Variants in DPP9 observed in about 807,000 individuals in gnomAD.
The protein encoded by DPP9 is dipeptidyl peptidase IV-related protein-2.
In DPP9, 50 loss-of-function variants were observed where a neutral mutation model predicts 110.7. That is an observed-to-expected ratio of 0.45 (90% CI 0.36 to 0.57). The LOEUF (loss-of-function observed/expected upper bound fraction) is 0.57. Ranked by LOEUF, DPP9 falls within the 20% of genes least tolerant of loss-of-function variation. The pLI, the probability that DPP9 is intolerant of heterozygous loss-of-function variation, is 0.00. For synonymous variants in DPP9, 561 were observed against 514.4 expected (o/e 1.09, Z -1.23); for missense variants, 1,022 against 1,217.9 (o/e 0.84, Z 2.39).
At chr19:4,683,172 C>T (rs2090169560) in intron 19 of DPP9, 1 of 1,443,784 alleles carries the variant, frequency 6.9e-7, no homozygotes, top group East Asian at 2.8e-5. Flanking sequence ...CCCCGCCGCT[C>T]TGCACACCAT....
At position 4,685,389 on chromosome 19, in the gene DPP9, A is replaced by AG; in HGVS notation, c.2031+236dup. The AG allele has an allele frequency of 1.5e-6, 1 of 660,436 alleles. No homozygotes were observed. Among genetic ancestry groups the AG allele is most frequent in the Non-Finnish European group, 2.8e-6 (1 of 358,664 alleles). The allele number at this position is 660,436 out of a possible 1,614,324, so 40.9% of individuals were successfully genotyped here. ...GGAACAAGGGAGAGTCAGCAGGCGG[A>AG]GGGGGAAGGGGAGGCCATCCAGGAA... is the stretch of plus-strand genomic sequence containing the variant. On this transcript the variant is annotated intron_variant, in intron 17 of 21. Coordinates refer to ENST00000262960, the MANE Select transcript of DPP9 (RefSeq NM_139159.5). This position sits in a 1 kb window ranked among gnomAD's most constrained non-coding sequence, Gnocchi z 5.8.
At chr19:4,701,994 C>T (rs201963163) in intron 9 of DPP9, 33 bp downstream of exon 9, 341 of 1,602,444 alleles carry the variant, frequency 2.1e-4, no homozygotes, top group Non-Finnish European at 2.6e-4. Flanking sequence ...CTCAGATCCC[C>T]GGCCCAGCCC....
Position 4,682,623 on chromosome 19 carries a change from C to T in DPP9, c.2474+73G>A. 1 of 1,563,782 alleles carries T rather than the reference C, an allele frequency of 6.4e-7. No individual in the cohort carries two copies. The highest frequency in any genetic ancestry group is 1.4e-5 in the African/African-American group (1 of 74,020). Reference sequence around the variant, plus strand: ...GGGCCAGCTGGGGCAGGAGGGCACCCTCATAGAGACAGCTGGTGCCGGGGT... The same window carrying T: ...GGGCCAGCTGGGGCAGGAGGGCACCTTCATAGAGACAGCTGGTGCCGGGGT... On this transcript the variant is annotated intron_variant, in intron 20 of 21. Coordinates refer to ENST00000262960, the MANE Select transcript of DPP9 (RefSeq NM_139159.5). This position sits in a 1 kb window ranked among gnomAD's most constrained non-coding sequence, Gnocchi z 7.1.
At position 4,685,036 on chromosome 19, in the gene DPP9, T is replaced by C; in HGVS notation, c.2032-227A>G. Reference sequence around the variant, plus strand: ...GGAAGGGCCACTGTCAGGCTCTTTCTCAGCTGGGCCACTGCCCCAGTCCTG... The same window carrying C: ...GGAAGGGCCACTGTCAGGCTCTTTCCCAGCTGGGCCACTGCCCCAGTCCTG... On this transcript the variant is annotated intron_variant, in intron 17 of 21. Coordinates refer to ENST00000262960, the MANE Select transcript of DPP9 (RefSeq NM_139159.5). This position sits in a 1 kb window ranked among gnomAD's most constrained non-coding sequence, Gnocchi z 5.8. The C allele has an allele frequency of 1.5e-6, 1 of 680,882 alleles. No homozygotes were observed. Among genetic ancestry groups the C allele is most frequent in the Admixed American group, 2.0e-5 (1 of 49,030 alleles). 42.2% of individuals were successfully genotyped at this position (680,882 alleles called of 1,614,324 possible). A position where few individuals can be genotyped will look rare whatever the true frequency, so the allele number is the denominator to read the frequency against.
chr19:4,683,259 GC>G, intron 19 of DPP9: 1 of 1,436,150 alleles, frequency 7.0e-7, no homozygotes, highest in Admixed American at 2.8e-5. Context: ...GTTTTGTGCA[GC>G]CGGATGCCAT....
chr19:4,686,557 T>G (rs1201115923), intron 16 of DPP9, among the ~76,000 whole-genome samples: 1 of 152,058 alleles, frequency 6.6e-6, no homozygotes, highest in African/African-American at 2.4e-5. Flanking sequence ...TGTCCTTAGG[T>G]GATCCACCCA....
At position 4,675,559 on chromosome 19, in the gene DPP9, C is replaced by T. The variant is rs562381089; in HGVS notation, c.*1005G>A. ...CACTGACCAGCAGAGCGTGGAAGTT[C>T]GGTGCGTTTCAGTGCCTGCCTGAAA... On this transcript the variant is annotated 3_prime_UTR_variant, in exon 22 of 22. Transcript: ENST00000262960. 3 of 152,158 alleles carry T rather than the reference C, an allele frequency of 2.0e-5. No individual in the cohort carries two copies. The highest frequency in any genetic ancestry group is 2.4e-5 in the African/African-American group (1 of 41,502). 9.4% of individuals were successfully genotyped at this position (152,158 alleles called of 1,614,324 possible).
chr19:4,689,934 G>A lies in DPP9; in HGVS notation c.1597-212C>T, dbSNP rs1392653316. Among the ~76,000 whole-genome samples, 1 of 152,346 alleles carries A rather than the reference G, an allele frequency of 6.6e-6. No individual in the cohort carries two copies. The highest frequency in any genetic ancestry group is 1.5e-5 in the Non-Finnish European group (1 of 68,024). On this transcript the variant is annotated intron_variant, in intron 14 of 21. Coordinates refer to ENST00000262960, the MANE Select transcript of DPP9 (RefSeq NM_139159.5). This position sits in a 1 kb window ranked among gnomAD's most constrained non-coding sequence, Gnocchi z 7.0. Reference sequence around the variant, plus strand: ...TGGGAGCAGCCCCTGGTCGAGCTGGGAACTGCGTGTCCTCAGGCGGGACCT... The same window carrying A: ...TGGGAGCAGCCCCTGGTCGAGCTGGAAACTGCGTGTCCTCAGGCGGGACCT...
intron 3 of DPP9, among the ~76,000 whole-genome samples, chr19:4,717,256 C>A (rs1050231593): frequency 6.6e-6 from 1 of 152,206 alleles, no homozygotes; most frequent in Non-Finnish European, 1.5e-5. Context: ...GCTCTCAGGT[C>A]ACACACAGGA....
Position 4,714,282 on chromosome 19 carries a change from C to A in DPP9, c.112G>T (p.Ala38Ser). The part of the protein sequence containing the change: ...ERMATTGTPT[A>S]DRGDAAATDD... ...GTGGCGGCTGCGTCGCCTCGGTCGG[C>A]CGTTGGGGTCCCGGTGGTGGCCATC... is the stretch of plus-strand genomic sequence containing the variant. Residue 38 changes from alanine (A) to serine (S), a missense_variant, in exon 4 of 22, where the codon GCC (alanine) becomes TCC (serine). By Grantham distance (99) the Ala-to-Ser change is moderately conservative (BLOSUM62 1). Transcript: ENST00000262960. 1 of 1,550,880 alleles carries A rather than the reference C, an allele frequency of 6.4e-7. No homozygotes were observed. The highest frequency in any genetic ancestry group is 8.7e-7 in the Non-Finnish European group (1 of 1,151,238).
In DPP9 at chr19:4,722,516, G is replaced by A. The variant is rs954823219; in HGVS notation, c.-53C>T. On this transcript the variant is annotated 5_prime_UTR_variant, in exon 2 of 22. Transcript: ENST00000262960. The stretch of plus-strand genomic sequence containing the variant: ...CAACTGACCTTCTAAAGGGTCCAGA[G>A]AGCCTCCATTCCAGCTGCAGGCGTG... 22 of 703,006 alleles carry A rather than the reference G, an allele frequency of 3.1e-5. No homozygotes were observed. Among genetic ancestry groups the A allele is most frequent in the East Asian group, 2.9e-4 (11 of 37,300 alleles). 43.5% of individuals were successfully genotyped at this position (703,006 alleles called of 1,614,324 possible).
At position 4,687,803 on chromosome 19, in the gene DPP9, GTTTTT is replaced by G. The variant is rs142659238; in HGVS notation, c.1885+949_1885+953del. On this transcript the variant is annotated intron_variant, in intron 16 of 21. Coordinates refer to ENST00000262960, the MANE Select transcript of DPP9 (RefSeq NM_139159.5). The surrounding 1 kb of genome is among the most constrained non-coding windows in gnomAD (Gnocchi z 4.7). Reference sequence around the variant, plus strand: ...TGCATGGACCACCACTGTTCAAAAGGTTTTTTTTTTTTGAGACGGAGTCTCGCTCT... The same window carrying G: ...TGCATGGACCACCACTGTTCAAAAGGTTTTTTTGAGACGGAGTCTCGCTCT... 6.8e-6 allele frequency among the ~76,000 whole-genome samples: 1 copy of G among 147,050 alleles called. No individual in the cohort carries two copies. Among genetic ancestry groups the G allele is most frequent in the Non-Finnish European group, 1.5e-5 (1 of 66,352 alleles).
intron 2 of DPP9, among the ~76,000 whole-genome samples, chr19:4,720,264 C>T (rs921058659): frequency 2.6e-5 from 4 of 152,226 alleles, no homozygotes; most frequent in Admixed American, 6.5e-5. Flanking sequence ...AAATTCCTCA[C>T]TGTGGCCGTT....
chr19:4,683,412 C>T (rs761709124), intron 19 of DPP9, 65 bp downstream of exon 19: 10 of 1,598,406 alleles, frequency 6.3e-6, no homozygotes, highest in East Asian at 2.2e-5. Flanking sequence ...GGTGGGCAAA[C>T]GCGGCGTAGA....
At chr19:4,703,504 C>T (rs2092413199) in intron 7 of DPP9, among the ~76,000 whole-genome samples, 1 of 150,032 alleles carries the variant, frequency 6.7e-6, no homozygotes, top group South Asian at 2.1e-4. Flanking sequence ...GGCGTGGTGG[C>T]GGGCACCTGT....
intron 2 of DPP9, among the ~76,000 whole-genome samples, chr19:4,721,244 G>T (rs2146029012): frequency 6.6e-6 from 1 of 152,352 alleles, no homozygotes; most frequent in African/African-American, 2.4e-5. Flanking sequence ...CCTGCTGTGG[G>T]TAAGGGGGCA....
At chr19:4,688,116 A>T (rs55987836) in intron 16 of DPP9, among the ~76,000 whole-genome samples, 1 of 150,576 alleles carries the variant, frequency 6.6e-6, no homozygotes, top group Non-Finnish European at 1.5e-5. Context: ...TTAATTTTTA[A>T]TTTTTTTTTA....
At chr19:4,714,387 G>A (rs1462386507) in intron 3 of DPP9, 50 bp from the exon 4 acceptor site, 67 of 1,452,862 alleles carry the variant, frequency 4.6e-5, no homozygotes, top group East Asian at 2.7e-4. Flanking sequence ...TTTTACCTAC[G>A]AGCTGCCCCA....
At chr19:4,702,261 G>A in intron 8 of DPP9, 106 bp from the exon 9 acceptor site, 1 of 1,431,116 alleles carries the variant, frequency 7.0e-7, no homozygotes, top group Non-Finnish European at 9.3e-7. Context: ...GGGCACCGAG[G>A]GCTCTGAAAC....
Sources: gnomAD v4.1 joint callset for allele counts (sites outside exome capture counted in the v4.1 genomes callset) on GRCh38, gnomAD v4.1.1 for gene constraint, Gnocchi (gnomAD v3.1) non-coding constraint, MANE v1.5 for transcripts, NCBI Gene and HGNC (gene_info 2026-07-23, HGNC 2026-07-21) for gene names.